Variants in GLT1D1 observed in about 807,000 individuals in gnomAD.
GLT1D1 encodes the protein glycosyltransferase 1 domain-containing protein 1.
Under a neutral mutation model 28.7 loss-of-function variants are expected in GLT1D1, and 21 were observed. That is an observed-to-expected ratio of 0.73 (90% confidence interval 0.52 to 1.05). The LOEUF (loss-of-function observed/expected upper bound fraction) is 1.05, where lower values mean the gene tolerates loss of function less well. GLT1D1 is among the 50% of genes least tolerant of loss of function. The probability of loss-of-function intolerance (pLI) is 0.00; values close to 1 mark genes in which losing one functional copy is unlikely to be tolerated. For synonymous variants in GLT1D1, 147 were observed against 124.8 expected, an observed-to-expected ratio of 1.18 and a Z score of -1.19; for missense variants, 343 against 330.6, an observed-to-expected ratio of 1.04 and a Z score of -0.29.
At chr12:128,895,496 AC>A (rs1316923644) in intron 3 of GLT1D1, among the ~76,000 whole-genome samples, 2 of 148,382 alleles carry the variant, frequency 1.3e-5, no homozygotes, top group Admixed American at 6.9e-5. Context: ...TCGCTCTGTC[AC>A]CCAGGCTGGA....
intron 4 of GLT1D1, among the ~76,000 whole-genome samples, chr12:128,905,647 T>C (rs1198637996): frequency 2.0e-5 from 3 of 152,176 alleles, no homozygotes; most frequent in Non-Finnish European, 2.9e-5. Context: ...TATTTTTTAG[T>C]GTTGTTTATA....
intron 3 of GLT1D1, 102 bp downstream of exon 3, chr12:128,888,846 A>T: frequency 1.4e-6 from 1 of 736,282 alleles, no homozygotes; most frequent in Non-Finnish European, 2.3e-6. Flanking sequence ...GAAGGTTTAC[A>T]TCTTAGCACT....
Position 128,971,054 on chromosome 12 carries a change from CT to C in GLT1D1, c.640-11874del, listed in dbSNP as rs575776262. On this transcript the variant is annotated intron_variant, in intron 7 of 7. Transcript: ENST00000281703. ...ACGCCACACACTTGTACTTTAACTG[CT>C]CTCATTTCTTTTTCTTTTCAAAGTC... Among the ~76,000 whole-genome samples the C allele has an allele frequency of 4.2e-3, 638 of 152,272 alleles. 5 individuals carry two copies. The highest frequency in any genetic ancestry group is 0.014 in the African/African-American group (601 of 41,530).
intron 6 of GLT1D1, among the ~76,000 whole-genome samples, chr12:128,956,338 T>C (rs1406903557): frequency 1.3e-5 from 2 of 152,054 alleles, no homozygotes; most frequent in African/African-American, 4.8e-5. Context: ...TATTTTATAA[T>C]AAAGTGTTGA....
At chr12:128,938,843 A>T (rs1402084416) in intron 4 of GLT1D1, among the ~76,000 whole-genome samples, 1 of 152,060 alleles carries the variant, frequency 6.6e-6, no homozygotes, top group African/African-American at 2.4e-5. Context: ...ATATTTAGGA[A>T]TTTTTTTCAG....
At position 128,982,541 on chromosome 12, in the gene GLT1D1, C is replaced by T. The variant is rs192741220; in HGVS notation, c.640-388C>T. On this transcript the variant is annotated intron_variant, in intron 7 of 7. Transcript: ENST00000281703. ...GACTCTGGGGTAACACCTAATTTCACATCTGAGGCTCCACTCATGAGAGGG... is the reference window on the plus strand; with the variant it reads ...GACTCTGGGGTAACACCTAATTTCATATCTGAGGCTCCACTCATGAGAGGG... 1.6e-3 allele frequency among the ~76,000 whole-genome samples: 246 copies of T among 152,280 alleles called. 1 individual carries two copies. The highest frequency in any genetic ancestry group is 5.5e-3 in the African/African-American group (229 of 41,558).
At chr12:128,980,516 G>T (rs1880215178) in intron 7 of GLT1D1, among the ~76,000 whole-genome samples, 1 of 152,218 alleles carries the variant, frequency 6.6e-6, no homozygotes, top group South Asian at 2.1e-4. Context: ...TCGCGGGGTG[G>T]TGCTTCTGCT....
intron 7 of GLT1D1, among the ~76,000 whole-genome samples, chr12:128,974,368 A>G (rs115842140): frequency 1.6e-4 from 25 of 152,232 alleles, no homozygotes; most frequent in African/African-American, 6.0e-4. Flanking sequence ...CTAACCCTGC[A>G]TCGTGCATTT....
intron 1 of GLT1D1, among the ~76,000 whole-genome samples, chr12:128,872,083 C>G (rs1008488614): frequency 1.3e-5 from 2 of 150,458 alleles, no homozygotes; most frequent in South Asian, 2.1e-4. Flanking sequence ...TCCCAAGTAG[C>G]TGGGATTACA....
chr12:128,864,601 A>G (rs964073172), intron 1 of GLT1D1, among the ~76,000 whole-genome samples: 2 of 152,196 alleles, frequency 1.3e-5, no homozygotes, highest in African/African-American at 4.8e-5. Context: ...TTTCATTTCC[A>G]GAAGTCCTTT....
chr12:128,960,857 T>C (rs117878549), intron 7 of GLT1D1, among the ~76,000 whole-genome samples: 267 of 152,356 alleles, frequency 1.8e-3, no homozygotes, highest in Non-Finnish European at 3.2e-3. Flanking sequence ...CAGCCTTAGT[T>C]ATGTACATAT....
At chr12:128,906,523 T>A (rs753375122) in intron 4 of GLT1D1, among the ~76,000 whole-genome samples, 1 of 152,216 alleles carries the variant, frequency 6.6e-6, no homozygotes, top group Non-Finnish European at 1.5e-5. Context: ...TAATAAGCAT[T>A]CTTCTAAGAG....
At chr12:128,942,749 G>GT (rs1304773093) in intron 4 of GLT1D1, among the ~76,000 whole-genome samples, 8 of 78,006 alleles carry the variant, frequency 1.0e-4, no homozygotes, top group African/African-American at 2.0e-4. Context: ...GTTTGTTTTT[G>GT]TTTTTTGTTT....
At chr12:128,879,119 T>G (rs2135803793) in intron 2 of GLT1D1, among the ~76,000 whole-genome samples, 1 of 152,338 alleles carries the variant, frequency 6.6e-6, no homozygotes. Flanking sequence ...GTGATTCTGT[T>G]GACAGTGAGT....
At position 128,853,566 on chromosome 12, in the gene GLT1D1, GGGCGGC is replaced by G; in HGVS notation, c.-6_-1del. 9.1e-7 allele frequency: 1 copy of G among 1,092,996 alleles called. No homozygotes were observed. The highest frequency in any genetic ancestry group is 3.3e-5 in the South Asian group (1 of 29,988). The allele number at this position is 1,092,996 out of a possible 1,614,324, so 67.7% of individuals were successfully genotyped here. On this transcript the variant is annotated 5_prime_UTR_variant, in exon 1 of 8. Transcript: ENST00000281703. ...CGGCGGCGGGGCCGGTCGATGGCCC[GGGCGGC>G]GGCGGCGGCATGCGGCTCCTGTTCC...
chr12:128,946,838 G>A (rs534447950), intron 5 of GLT1D1, among the ~76,000 whole-genome samples: 34 of 150,934 alleles, frequency 2.3e-4, no homozygotes, highest in Non-Finnish European at 4.1e-4. Flanking sequence ...TAGTAGAGAC[G>A]GGGTTTCGCC....
intron 4 of GLT1D1, among the ~76,000 whole-genome samples, chr12:128,931,424 C>T (rs1873874171): frequency 6.6e-6 from 1 of 151,872 alleles, no homozygotes; most frequent in Non-Finnish European, 1.5e-5. Flanking sequence ...TCTCCTGTCT[C>T]AGCCTCCCGA....
chr12:128,884,822 G>GA (rs1012101425), intron 2 of GLT1D1, among the ~76,000 whole-genome samples: 9 of 146,810 alleles, frequency 6.1e-5, no homozygotes, highest in South Asian at 4.3e-4. Flanking sequence ...TCAAAAAATA[G>GA]AAAAAAAAAT....
At chr12:128,945,301 G>A (rs746702935) in intron 4 of GLT1D1, 25 bp from the exon 9 acceptor site, 2 of 1,613,512 alleles carry the variant, frequency 1.2e-6, no homozygotes, top group Admixed American at 1.7e-5. Flanking sequence ...GGCGACCGCT[G>A]ACATTTATCT....
Sources: allele counts gnomAD v4.1 joint callset (sites outside exome capture counted in the v4.1 genomes callset), GRCh38; gene constraint gnomAD v4.1.1; transcripts MANE v1.5; gene names NCBI Gene and HGNC (gene_info 2026-07-23, HGNC 2026-07-21).